Variants in AKT3 observed in about 807,000 individuals in gnomAD.
The protein encoded by AKT3 is RAC-gamma serine/threonine-protein kinase.
Under a neutral mutation model 65.3 loss-of-function variants are expected in AKT3, and 15 were observed. The ratio of observed to expected loss-of-function variants is 0.23; its 90% CI spans 0.15 to 0.35. The LOEUF (loss-of-function observed/expected upper bound fraction) is 0.35, where lower values mean the gene tolerates loss of function less well. Ranked by LOEUF, AKT3 falls within the 10% of genes least tolerant of loss-of-function variation. AKT3 has a pLI of 1.00. For missense variants in AKT3, 243 were observed against 576.5 expected (o/e 0.42, Z 5.92); for synonymous variants, 206 against 183.8 (o/e 1.12, Z -0.98).
intron 2 of AKT3, among the ~76,000 whole-genome samples, chr1:243,711,946 T>G (rs1050887850): frequency 2.0e-5 from 3 of 152,222 alleles, no homozygotes; most frequent in African/African-American, 7.2e-5. Flanking sequence ...AACATATCAT[T>G]AATAAAGCAT....
At chr1:243,669,475 T>C (rs1445008629) in intron 3 of AKT3, among the ~76,000 whole-genome samples, 1 of 152,174 alleles carries the variant, frequency 6.6e-6, no homozygotes, top group Non-Finnish European at 1.5e-5. Context: ...TATAAGGTAA[T>C]TAAGATAATG....
chr1:243,717,664 T>TATCATTGGACGGCCACATATCAAAG (rs1686595303), intron 2 of AKT3, among the ~76,000 whole-genome samples: 1 of 152,200 alleles, frequency 6.6e-6, no homozygotes, highest in Non-Finnish European at 1.5e-5. Context: ...CTGAGCACCC[T>TATCATTGGACGGCCACATATCAAAG]ATCATTGGAC....
chr1:243,708,713 A>C (rs1335215760), intron 2 of AKT3, among the ~76,000 whole-genome samples: 1 of 152,016 alleles, frequency 6.6e-6, no homozygotes, highest in Non-Finnish European at 1.5e-5. Context: ...AAATAATCTA[A>C]GTTCCTGTTT....
chr1:243,521,502 A>T (rs1171322190), intron 12 of AKT3, among the ~76,000 whole-genome samples: 1 of 152,262 alleles, frequency 6.6e-6, no homozygotes, highest in Non-Finnish European at 1.5e-5. Flanking sequence ...GGTATGTGGC[A>T]TACATTATTT....
intron 3 of AKT3, among the ~76,000 whole-genome samples, chr1:243,688,655 G>A (rs1183957195): frequency 6.6e-6 from 1 of 152,130 alleles, no homozygotes; most frequent in East Asian, 1.9e-4. Context: ...GTATCTTGCT[G>A]ACTGACTCGC....
chr1:243,590,129 C>T (rs1676121067), intron 8 of AKT3, among the ~76,000 whole-genome samples: 2 of 152,086 alleles, frequency 1.3e-5, no homozygotes, highest in South Asian at 4.2e-4. Flanking sequence ...TCAAATGGTA[C>T]AAACTTCCAG....
At chr1:243,543,979 A>G (rs1323051043) in intron 12 of AKT3, among the ~76,000 whole-genome samples, 1 of 152,184 alleles carries the variant, frequency 6.6e-6, no homozygotes, top group African/African-American at 2.4e-5. Flanking sequence ...TTCATATGAC[A>G]TAATTCTATG....
intron 2 of AKT3, among the ~76,000 whole-genome samples, chr1:243,823,274 T>C (rs903337077): frequency 8.5e-5 from 13 of 152,188 alleles, no homozygotes; most frequent in African/African-American, 3.1e-4. Context: ...TTATGGAACA[T>C]AGCTCAAATA....
intron 8 of AKT3, among the ~76,000 whole-genome samples, chr1:243,601,226 TAAATA>T (rs1676976730): frequency 6.6e-6 from 1 of 151,956 alleles, no homozygotes. Flanking sequence ...TTACATGAAA[TAAATA>T]AATCTGACAA....
At chr1:243,681,466 G>A (rs972721386) in intron 3 of AKT3, among the ~76,000 whole-genome samples, 13 of 152,192 alleles carry the variant, frequency 8.5e-5, no homozygotes, top group Admixed American at 1.3e-4. Flanking sequence ...ATGGTTAAGC[G>A]ACTGGCTCAA....
At chr1:243,676,009 A>G (rs1264924765) in intron 3 of AKT3, among the ~76,000 whole-genome samples, 1 of 152,222 alleles carries the variant, frequency 6.6e-6, no homozygotes, top group Admixed American at 6.5e-5. Context: ...ATAGCAGTGA[A>G]CAAAACAAGG....
At chr1:243,745,695 A>T (rs1688438462) in intron 2 of AKT3, among the ~76,000 whole-genome samples, 1 of 151,122 alleles carries the variant, frequency 6.6e-6, no homozygotes, top group South Asian at 2.1e-4. Flanking sequence ...ATTTATTTTG[A>T]TTTTTTTTTA....
chr1:243,593,906 C>T (rs1676418095), intron 8 of AKT3, among the ~76,000 whole-genome samples: 1 of 152,122 alleles, frequency 6.6e-6, no homozygotes, highest in Admixed American at 6.5e-5. Context: ...TACTTTTGTT[C>T]AACACTGCAC....
intron 9 of AKT3, among the ~76,000 whole-genome samples, 181 bp from the exon 10 acceptor site, chr1:243,564,029 C>CA (rs1158138593): frequency 6.6e-6 from 1 of 152,106 alleles, no homozygotes; most frequent in African/African-American, 2.4e-5. Context: ...CATGTTTTAT[C>CA]AAATACTTCA....
At chr1:243,672,928 T>A (rs1443056883) in intron 3 of AKT3, among the ~76,000 whole-genome samples, 1 of 152,186 alleles carries the variant, frequency 6.6e-6, no homozygotes, top group Non-Finnish European at 1.5e-5. Flanking sequence ...CAAATAAACG[T>A]ACTGTGGTCA....
At chr1:243,731,954 AC>A (rs376365129) in intron 2 of AKT3, among the ~76,000 whole-genome samples, 10 of 152,246 alleles carry the variant, frequency 6.6e-5, no homozygotes, top group Non-Finnish European at 1.3e-4. Flanking sequence ...AATTTCATTT[AC>A]CACCTTCACA....
chr1:243,842,820 T>A (rs1466964976), intron 2 of AKT3, among the ~76,000 whole-genome samples: 3 of 152,182 alleles, frequency 2.0e-5, no homozygotes, highest in Non-Finnish European at 4.4e-5. Flanking sequence ...TCTAAAGATA[T>A]CTCTCCAGAT....
chr1:243,572,102 T>C (rs1165625215), intron 9 of AKT3, among the ~76,000 whole-genome samples: 1 of 152,208 alleles, frequency 6.6e-6, no homozygotes. Context: ...TCAAAATGTG[T>C]CGTGGTACAA....
chr1:243,611,069 G>C (rs1180697788), intron 8 of AKT3, among the ~76,000 whole-genome samples: 1 of 152,100 alleles, frequency 6.6e-6, no homozygotes, highest in African/African-American at 2.4e-5. Flanking sequence ...CCAAGTATAA[G>C]CGCATTTTAA....
Sources: gnomAD v4.1 joint callset for allele counts (sites outside exome capture counted in the v4.1 genomes callset) on GRCh38, gnomAD v4.1.1 for gene constraint, MANE v1.5 for transcripts, NCBI Gene and HGNC (gene_info 2026-07-23, HGNC 2026-07-21) for gene names.